The following ADCY5 variants were observed in gnomAD, a reference collection of about 807,000 sequenced individuals.
ADCY5 encodes adenylate cyclase 5.
A neutral mutation model predicts 119.7 loss-of-function variants in ADCY5; 30 were observed. That is an observed-to-expected ratio of 0.25 (90% CI 0.19 to 0.34). The LOEUF is 0.34. Among genes scored for constraint, ADCY5 ranks in the 10% least tolerant of loss-of-function variants. The probability of loss-of-function intolerance (pLI) is 1.00; values close to 1 mark genes in which losing one functional copy is unlikely to be tolerated. For synonymous variants in ADCY5, 753 were observed against 762.2 expected, an observed-to-expected ratio of 0.99 and a Z score of 0.20; for missense variants, 1,324 against 1,775.2, an observed-to-expected ratio of 0.75 and a Z score of 4.57.
At chr3:123,306,656 G>A (rs971921636) in intron 12 of ADCY5, among the ~76,000 whole-genome samples, 2 of 152,202 alleles carry the variant, frequency 1.3e-5, no homozygotes, top group Non-Finnish European at 2.9e-5. Flanking sequence ...ATGTAAAATG[G>A]GGCAGCCACT....
At chr3:123,354,983 T>C (rs570974057) in intron 1 of ADCY5, among the ~76,000 whole-genome samples, 1 of 152,334 alleles carries the variant, frequency 6.6e-6, no homozygotes, top group South Asian at 2.1e-4. Context: ...TACACAAACC[T>C]ACAGCTAAAT....
At position 123,448,285 on chromosome 3, in the gene ADCY5, G is replaced by A. The variant is rs1334555547; in HGVS notation, c.261C>T (p.Asp87=). 2.6e-6 allele frequency: 4 copies of A among 1,529,616 alleles called. No individual in the cohort carries two copies. In the African/African-American group the frequency reaches 5.7e-5, roughly 22 times the overall value. The allele number at this position is 1,529,616 out of a possible 1,614,324, so 94.8% of individuals were successfully genotyped here. ...DDDDPPLSGD[D]PLAGGFGFSF... ...TGAAGCCGAAGCCCCCGGCCAGGGGGTCGTCACCGCTCAGCGGAGGATCGT... is the reference window on the plus strand; with the variant it reads ...TGAAGCCGAAGCCCCCGGCCAGGGGATCGTCACCGCTCAGCGGAGGATCGT... The change falls in exon 1 of 21, where the codon GAC becomes GAT. Residue 87 remains aspartate, a synonymous_variant. Coordinates refer to ENST00000462833, the MANE Select transcript of ADCY5 (RefSeq NM_183357.3).
chr3:123,315,727 C>T (rs1940881656), intron 11 of ADCY5, among the ~76,000 whole-genome samples: 1 of 152,120 alleles, frequency 6.6e-6, no homozygotes, highest in South Asian at 2.1e-4. Context: ...AGGTGTGCAC[C>T]ACCATACCTA....
chr3:123,381,469 T>G (rs1233825289), intron 1 of ADCY5, among the ~76,000 whole-genome samples: 1 of 152,240 alleles, frequency 6.6e-6, no homozygotes, highest in African/African-American at 2.4e-5. Flanking sequence ...TGCACGACAT[T>G]GACAGTGAGT....
At chr3:123,403,308 A>G (rs1336809871) in intron 1 of ADCY5, among the ~76,000 whole-genome samples, 1 of 148,576 alleles carries the variant, frequency 6.7e-6, no homozygotes, top group Non-Finnish European at 1.5e-5. Flanking sequence ...ACCTGGGAAG[A>G]TGAGGCTGCA....
intron 3 of ADCY5, among the ~76,000 whole-genome samples, chr3:123,345,757 GAC>G (rs1231817435): frequency 1.6e-5 from 1 of 61,088 alleles, no homozygotes; most frequent in Non-Finnish European, 3.7e-5. Flanking sequence ...CAGACAGACA[GAC>G]AGACAGACAG....
intron 14 of ADCY5, among the ~76,000 whole-genome samples, chr3:123,301,938 G>C (rs1939877474): frequency 6.6e-6 from 1 of 152,070 alleles, no homozygotes; most frequent in African/African-American, 2.4e-5. Context: ...CGGGGGTGGG[G>C]CTGCACCTGC....
intron 4 of ADCY5, 26 bp downstream of exon 4, chr3:123,332,538 C>A (rs1941812413): frequency 6.3e-7 from 1 of 1,578,682 alleles, no homozygotes; most frequent in East Asian, 2.2e-5. Flanking sequence ...TCAGGCCACC[C>A]CAACCCCCGG....
Position 123,419,195 on chromosome 3 carries a change from G to A in ADCY5, c.1134+28217C>T, listed in dbSNP as rs1356442892. The A allele has an allele frequency of 3.0e-6, 3 of 985,152 alleles. No homozygotes were observed. The African/African-American group carries it at 5.3e-5, about 17-fold the overall frequency. 61.0% of individuals were successfully genotyped at this position (985,152 alleles called of 1,614,324 possible). A position where few individuals can be genotyped will look rare whatever the true frequency, so the allele number is the denominator to read the frequency against. ...TCCCCTCCCCTCATCATGATTCCAG[G>A]CCCTCCATGCATCTGACGAGCACAC... On this transcript the variant is annotated intron_variant, in intron 1 of 20. Transcript: ENST00000462833.
intron 1 of ADCY5, among the ~76,000 whole-genome samples, chr3:123,355,356 A>T (rs1046666359): frequency 1.3e-5 from 2 of 152,214 alleles, no homozygotes; most frequent in Admixed American, 1.3e-4. Flanking sequence ...GGCTCTCTGT[A>T]TCTACAGGTT....
At chr3:123,396,024 G>C (rs1390155311) in intron 1 of ADCY5, among the ~76,000 whole-genome samples, 2 of 130,644 alleles carry the variant, frequency 1.5e-5, no homozygotes, top group Admixed American at 1.6e-4. Context: ...GAGAGAGGGA[G>C]GGAGGGAGAG....
intron 1 of ADCY5, among the ~76,000 whole-genome samples, chr3:123,435,573 A>G (rs1468949030): frequency 6.6e-6 from 1 of 152,158 alleles, no homozygotes; most frequent in African/African-American, 2.4e-5. Flanking sequence ...GCCCCAAATC[A>G]AGGGTCCTTG....
At chr3:123,314,120 C>G (rs923845113) in intron 12 of ADCY5, 115 bp downstream of exon 12, 9 of 783,526 alleles carry the variant, frequency 1.1e-5, no homozygotes, top group Non-Finnish European at 1.9e-5. Flanking sequence ...CACTCTCCCA[C>G]CCCTGCCAAG....
chr3:123,388,970 C>A (rs1944320048), intron 1 of ADCY5, among the ~76,000 whole-genome samples: 1 of 152,098 alleles, frequency 6.6e-6, no homozygotes, highest in Non-Finnish European at 1.5e-5. Flanking sequence ...CCCTAGTTAG[C>A]CTCTACAGGA....
At chr3:123,408,134 T>C (rs1944951119) in intron 1 of ADCY5, among the ~76,000 whole-genome samples, 1 of 151,960 alleles carries the variant, frequency 6.6e-6, no homozygotes, top group Non-Finnish European at 1.5e-5. Context: ...CGGTGAAAAA[T>C]CTAGACACCA....
At chr3:123,418,039 C>A (rs1331063597) in intron 1 of ADCY5, among the ~76,000 whole-genome samples, 4 of 152,146 alleles carry the variant, frequency 2.6e-5, no homozygotes, top group Non-Finnish European at 4.4e-5. Flanking sequence ...CCTGGTGAAC[C>A]CAGCCACTGT....
chr3:123,352,257 G>A lies in ADCY5; in HGVS notation c.1284+175C>T, dbSNP rs1324277538. Among the ~76,000 whole-genome samples, 1 of 152,156 alleles carries A rather than the reference G, an allele frequency of 6.6e-6. No homozygotes were observed. The highest frequency in any genetic ancestry group is 1.9e-4 in the East Asian group (1 of 5,186). On this transcript the variant is annotated intron_variant, in intron 2 of 20. Transcript: ENST00000462833. This position sits in a 1 kb window ranked among gnomAD's most constrained non-coding sequence, Gnocchi z 4.8. The stretch of plus-strand genomic sequence containing the variant: ...GGCTGGGTAGAACTCACTTCCCACA[G>A]GGCCTGGAATGCTGGACTCTCTCCA...
intron 1 of ADCY5, among the ~76,000 whole-genome samples, chr3:123,355,577 C>A (rs1484334751): frequency 2.0e-5 from 3 of 151,366 alleles, no homozygotes; most frequent in Non-Finnish European, 4.4e-5. Flanking sequence ...CCTGTGAATA[C>A]AGAGGGCTGA....
At chr3:123,359,331 A>AATATATATAT (rs57105101) in intron 1 of ADCY5, among the ~76,000 whole-genome samples, 1,946 of 109,394 alleles carry the variant, frequency 0.018, 45 homozygotes, top group Admixed American at 0.024. Context: ...CTTATACTAA[A>AATATATATAT]ATATATATAT....
Sources: gnomAD v4.1 joint callset for allele counts (sites outside exome capture counted in the v4.1 genomes callset) on GRCh38, gnomAD v4.1.1 for gene constraint, Gnocchi (gnomAD v3.1) non-coding constraint, MANE v1.5 for transcripts, NCBI Gene and HGNC (gene_info 2026-07-23, HGNC 2026-07-21) for gene names.